The following THSD7B variants were observed in gnomAD, a reference collection of about 807,000 sequenced individuals.
The protein encoded by THSD7B is thrombospondin type-1 domain-containing protein 7B.
Under a neutral mutation model 213.6 loss-of-function variants are expected in THSD7B, and 138 were observed. The observed-to-expected ratio is 0.65, with a 90% CI of 0.56 to 0.74. The LOEUF (loss-of-function observed/expected upper bound fraction) is 0.74, where lower values mean the gene tolerates loss of function less well. Among genes scored for constraint, THSD7B ranks in the 30% least tolerant of loss-of-function variants. The pLI is 0.00. For synonymous variants in THSD7B, 742 were observed against 687.0 expected, an observed-to-expected ratio of 1.08 and a Z score of -1.25; for missense variants, 1,931 against 1,991.5, an observed-to-expected ratio of 0.97 and a Z score of 0.58.
chr2:136,880,204 A>G (rs1683595806), intron 1 of THSD7B, among the ~76,000 whole-genome samples: 1 of 152,148 alleles, frequency 6.6e-6, no homozygotes, highest in African/African-American at 2.4e-5. Context: ...AACATTGACC[A>G]CATAGTTGGA....
chr2:136,972,645 C>T (rs560255923), intron 2 of THSD7B, among the ~76,000 whole-genome samples: 4 of 152,066 alleles, frequency 2.6e-5, no homozygotes, highest in South Asian at 2.1e-4. Context: ...GAAGGGCGAT[C>T]GTTGGTTCAT....
intron 2 of THSD7B, among the ~76,000 whole-genome samples, chr2:136,947,464 G>T (rs185874501): frequency 1.0e-3 from 158 of 152,260 alleles, no homozygotes; most frequent in African/African-American, 3.8e-3. Flanking sequence ...TGCCAGTCAG[G>T]GGTTGAGTTA....
At chr2:137,338,707 G>T (rs1385379850) in intron 12 of THSD7B, among the ~76,000 whole-genome samples, 2 of 152,016 alleles carry the variant, frequency 1.3e-5, no homozygotes, top group African/African-American at 4.8e-5. Context: ...CCAAAATTCT[G>T]CTTAGGATGT....
chr2:137,328,742 A>G (rs1684427078), intron 12 of THSD7B, among the ~76,000 whole-genome samples: 1 of 152,212 alleles, frequency 6.6e-6, no homozygotes, highest in Admixed American at 6.5e-5. Context: ...TAATTGAATC[A>G]TAGTGGCAGT....
At chr2:137,021,305 T>G (rs1017811461) in intron 2 of THSD7B, among the ~76,000 whole-genome samples, 2 of 152,214 alleles carry the variant, frequency 1.3e-5, no homozygotes, top group African/African-American at 2.4e-5. Flanking sequence ...GTTTCTTTAT[T>G]TTTATCTTTT....
intron 5 of THSD7B, among the ~76,000 whole-genome samples, chr2:137,133,081 G>T (rs1432267990): frequency 6.6e-6 from 1 of 152,070 alleles, no homozygotes; most frequent in East Asian, 1.9e-4. Flanking sequence ...CTTTCTGTGT[G>T]GTTACTGTCT....
intron 15 of THSD7B, among the ~76,000 whole-genome samples, chr2:137,495,534 C>A (rs909655871): frequency 2.0e-5 from 3 of 152,138 alleles, no homozygotes; most frequent in Non-Finnish European, 2.9e-5. Context: ...GGTAAAATTT[C>A]ATCGCCCCAA....
intron 10 of THSD7B, among the ~76,000 whole-genome samples, chr2:137,243,053 A>G (rs1342553890): frequency 6.6e-6 from 1 of 152,224 alleles, no homozygotes; most frequent in Non-Finnish European, 1.5e-5. Context: ...AATTGGCAAT[A>G]TATGATTTGT....
intron 1 of THSD7B, among the ~76,000 whole-genome samples, chr2:136,771,788 A>G (rs1044485419): frequency 6.6e-6 from 1 of 152,050 alleles, no homozygotes; most frequent in Non-Finnish European, 1.5e-5. Context: ...GAAGGGCACC[A>G]CTCTCTACTG....
intron 24 of THSD7B, 147 bp from the exon 25 acceptor site, chr2:137,659,517 G>A (rs1683302042): frequency 1.5e-6 from 1 of 681,376 alleles, no homozygotes; most frequent in Non-Finnish European, 2.4e-6. Flanking sequence ...AATAAAATAG[G>A]CTTGGACCAC....
chr2:136,776,527 G>A (rs951070828), intron 1 of THSD7B, among the ~76,000 whole-genome samples: 9 of 152,084 alleles, frequency 5.9e-5, no homozygotes, highest in African/African-American at 1.7e-4. Flanking sequence ...TAAATAAAGA[G>A]AGACTCAAAT....
intron 4 of THSD7B, among the ~76,000 whole-genome samples, chr2:137,110,607 G>A (rs201534629): frequency 6.6e-6 from 1 of 152,204 alleles, no homozygotes; most frequent in Non-Finnish European, 1.5e-5. Context: ...TGAGCAGGGA[G>A]CAATGTTGGG....
chr2:137,184,799 T>C (rs1236571335), intron 7 of THSD7B, among the ~76,000 whole-genome samples: 1 of 152,132 alleles, frequency 6.6e-6, no homozygotes, highest in Non-Finnish European at 1.5e-5. Flanking sequence ...CCCACTGTAC[T>C]AGAAAACTAT....
chr2:137,485,923 T>G (rs1478807111), intron 15 of THSD7B, among the ~76,000 whole-genome samples: 1 of 152,014 alleles, frequency 6.6e-6, no homozygotes, highest in Non-Finnish European at 1.5e-5. Context: ...AGAAACAAAA[T>G]ACTTTACAGA....
intron 15 of THSD7B, among the ~76,000 whole-genome samples, chr2:137,486,063 A>G (rs1156778744): frequency 1.3e-5 from 2 of 152,194 alleles, no homozygotes; most frequent in African/African-American, 4.8e-5. Flanking sequence ...AAAGACCATG[A>G]AGGCTAGGAA....
chr2:137,061,005 A>G (rs930935363), intron 3 of THSD7B, among the ~76,000 whole-genome samples: 3 of 151,526 alleles, frequency 2.0e-5, no homozygotes, highest in Non-Finnish European at 3.0e-5. Flanking sequence ...CATTTATTTA[A>G]TTCTTGTTTA....
chr2:137,420,053 A>C (rs185728697), intron 14 of THSD7B, among the ~76,000 whole-genome samples: 3 of 152,240 alleles, frequency 2.0e-5, no homozygotes, highest in Admixed American at 6.5e-5. Context: ...ACTAATTTAC[A>C]TTCCCACTAA....
At chr2:136,860,825 G>A (rs1200238493) in intron 1 of THSD7B, among the ~76,000 whole-genome samples, 1 of 152,136 alleles carries the variant, frequency 6.6e-6, no homozygotes, top group African/African-American at 2.4e-5. Context: ...CATAGTAAAA[G>A]CCAAAGTCAT....
chr2:137,077,284 A>G (rs1687647379), intron 3 of THSD7B, among the ~76,000 whole-genome samples: 2 of 152,122 alleles, frequency 1.3e-5, no homozygotes, highest in South Asian at 4.1e-4. Context: ...CGCAATAAAC[A>G]TACTTGTGCA....
Sources: allele counts gnomAD v4.1 joint callset (sites outside exome capture counted in the v4.1 genomes callset), GRCh38; gene constraint gnomAD v4.1.1; transcripts MANE v1.5; gene names NCBI Gene and HGNC (gene_info 2026-07-23, HGNC 2026-07-21).